Variants in GPC5 observed in about 807,000 individuals in gnomAD.
The protein encoded by GPC5 is glypican-5.
GPC5 carries 47 observed loss-of-function variants against 53.9 expected under a neutral mutation model. The ratio of observed to expected loss-of-function variants is 0.87; its 90% CI spans 0.69 to 1.11. GPC5 has a LOEUF of 1.11. GPC5 is among the 50% of genes most tolerant of loss of function. The pLI is 0.00. For synonymous variants in GPC5, 286 were observed against 263.3 expected (o/e 1.09, Z -0.84); for missense variants, 748 against 713.1 (o/e 1.05, Z -0.56).
chr13:92,832,410 G>A (rs1878077139), intron 7 of GPC5, among the ~76,000 whole-genome samples: 1 of 152,104 alleles, frequency 6.6e-6, no homozygotes, highest in Non-Finnish European at 1.5e-5. Flanking sequence ...AACCAGATAT[G>A]TAATGGATTT....
chr13:92,367,852 T>A (rs2043618208), intron 7 of GPC5, among the ~76,000 whole-genome samples: 1 of 152,184 alleles, frequency 6.6e-6, no homozygotes, highest in Non-Finnish European at 1.5e-5. Flanking sequence ...TCCTCAGTAC[T>A]GGAAATGAGG....
In GPC5 at chr13:91,572,059, A is replaced by G. The variant is rs28819521; in HGVS notation, c.326-121128A>G. On this transcript the variant is annotated intron_variant, in intron 2 of 7. Transcript: ENST00000377067. ...TGTGTATATACACACATATGTATAT[A>G]TACATGTATATACACACATATGTAT... 1.8e-4 allele frequency among the ~76,000 whole-genome samples: 26 copies of G among 144,392 alleles called. 1 individual carries two copies. Among genetic ancestry groups the G allele is most frequent in the Admixed American group, 6.8e-4 (10 of 14,686 alleles). 94.7% of individuals were successfully genotyped at this position (144,392 alleles called of 152,430 possible). A position where few individuals can be genotyped will look rare whatever the true frequency, so the allele number is the denominator to read the frequency against.
In GPC5 at chr13:92,112,490, C is replaced by G. The variant is rs557564465; in HGVS notation, c.1402-32340C>G. ...AGAAAGGGTTTAAGAGTGTCAAATG[C>G]TAAATTCTGTAAGACCTGCTTAGAA... On this transcript the variant is annotated intron_variant, in intron 6 of 7. Coordinates refer to ENST00000377067, the MANE Select transcript of GPC5 (RefSeq NM_004466.6). Among the ~76,000 whole-genome samples, 23 of 152,178 alleles carry G rather than the reference C, an allele frequency of 1.5e-4. No individual in the cohort carries two copies. The South Asian group carries it at 4.4e-3, about 29-fold the overall frequency.
intron 7 of GPC5, among the ~76,000 whole-genome samples, chr13:92,506,222 G>A (rs193183221): frequency 3.9e-5 from 6 of 152,110 alleles, no homozygotes; most frequent in East Asian, 3.9e-4. Flanking sequence ...CAAAATAAAG[G>A]CTGTCTCTGA....
chr13:92,017,803 C>T (rs551289665), intron 6 of GPC5, among the ~76,000 whole-genome samples: 1 of 151,448 alleles, frequency 6.6e-6, no homozygotes, highest in South Asian at 2.1e-4. Context: ...TGAGTACACA[C>T]ACGCATGAGT....
intron 7 of GPC5, among the ~76,000 whole-genome samples, chr13:92,734,871 C>A (rs1888897342): frequency 6.6e-6 from 1 of 151,828 alleles, no homozygotes; most frequent in Non-Finnish European, 1.5e-5. Flanking sequence ...CTTTGTTATT[C>A]TTCTCTATTT....
Position 92,813,628 on chromosome 13 carries a change from C to T in GPC5, c.1562-52654C>T, listed in dbSNP as rs185054551. ...GGGAATATGAAAGATGCAAAGATGG[C>T]GCAATACTTTTAGTCAAAACTTTTT... On this transcript the variant is annotated intron_variant, in intron 7 of 7. Transcript: ENST00000377067. Among the ~76,000 whole-genome samples, 212 of 151,960 alleles carry T rather than the reference C, an allele frequency of 1.4e-3. 3 individuals carry two copies. The highest frequency in any genetic ancestry group is 1.5e-3 in the Non-Finnish European group (102 of 68,004).
chr13:91,614,140 G>A (rs1050306441), intron 2 of GPC5, among the ~76,000 whole-genome samples: 3 of 152,202 alleles, frequency 2.0e-5, no homozygotes, highest in African/African-American at 4.8e-5. Context: ...GTTTACAGAG[G>A]TTTGAGAGTC....
chr13:91,612,821 G>A (rs897405257), intron 2 of GPC5, among the ~76,000 whole-genome samples: 2 of 151,952 alleles, frequency 1.3e-5, no homozygotes, highest in East Asian at 1.9e-4. Flanking sequence ...CCTTAATATT[G>A]TTATTTAGTA....
chr13:91,400,752 A>G (rs1876878054), intron 1 of GPC5, among the ~76,000 whole-genome samples: 1 of 152,276 alleles, frequency 6.6e-6, no homozygotes, highest in African/African-American at 2.4e-5. Context: ...CTGGTATCTC[A>G]GTATTTCTGG....
At chr13:91,636,967 C>A (rs573060367) in intron 2 of GPC5, among the ~76,000 whole-genome samples, 1 of 152,008 alleles carries the variant, frequency 6.6e-6, no homozygotes, top group East Asian at 1.9e-4. Context: ...AACAAACAAA[C>A]GAACAAAACA....
intron 7 of GPC5, among the ~76,000 whole-genome samples, chr13:92,362,255 C>CT (rs1272086592): frequency 6.6e-6 from 1 of 151,662 alleles, no homozygotes; most frequent in Admixed American, 6.6e-5. Flanking sequence ...GTAAGAATTG[C>CT]TTCTTTTCAA....
chr13:92,121,465 T>G (rs1049783973), intron 6 of GPC5, among the ~76,000 whole-genome samples: 2 of 152,240 alleles, frequency 1.3e-5, no homozygotes, highest in Admixed American at 6.5e-5. Flanking sequence ...ATCCGTGCTG[T>G]TCTCAAGAAT....
chr13:92,057,190 C>G (rs887861130), intron 6 of GPC5, among the ~76,000 whole-genome samples: 1 of 152,088 alleles, frequency 6.6e-6, no homozygotes, highest in Non-Finnish European at 1.5e-5. Context: ...AAGCCATCTA[C>G]CATGTAAGAA....
chr13:92,330,205 A>C (rs2043279567), intron 7 of GPC5, among the ~76,000 whole-genome samples: 1 of 152,174 alleles, frequency 6.6e-6, no homozygotes, highest in South Asian at 2.1e-4. Context: ...GGGAAATTGT[A>C]GGACTGCTCC....
chr13:91,549,208 G>A (rs1318023741), intron 2 of GPC5, among the ~76,000 whole-genome samples: 1 of 151,552 alleles, frequency 6.6e-6, no homozygotes, highest in African/African-American at 2.4e-5. Context: ...GGTGGAGATT[G>A]CAGTGAGCCA....
chr13:92,645,204 G>T (rs1885727410), intron 7 of GPC5, among the ~76,000 whole-genome samples: 1 of 152,084 alleles, frequency 6.6e-6, no homozygotes, highest in Non-Finnish European at 1.5e-5. Context: ...GGAGTGCAGT[G>T]GCATGATCTC....
chr13:91,520,768 G>A (rs1885769126), intron 2 of GPC5, among the ~76,000 whole-genome samples: 1 of 151,600 alleles, frequency 6.6e-6, no homozygotes, highest in South Asian at 2.1e-4. Flanking sequence ...TTTCTCTGGA[G>A]TACCCTGACT....
intron 6 of GPC5, among the ~76,000 whole-genome samples, chr13:92,109,785 ATAT>A (rs1271568173): frequency 6.6e-6 from 1 of 152,150 alleles, no homozygotes; most frequent in African/African-American, 2.4e-5. Flanking sequence ...AATAAAAATA[ATAT>A]TTGAGCTAGA....
Sources: gnomAD v4.1 joint callset for allele counts (sites outside exome capture counted in the v4.1 genomes callset) on GRCh38, gnomAD v4.1.1 for gene constraint, MANE v1.5 for transcripts, NCBI Gene and HGNC (gene_info 2026-07-23, HGNC 2026-07-21) for gene names.